Variants in ULK4 observed in about 807,000 individuals in gnomAD.
ULK4 encodes the protein inactive serine/threonine-protein kinase ULK4.
Under a neutral mutation model 160.6 loss-of-function variants are expected in ULK4, and 133 were observed. That is an observed-to-expected ratio of 0.83 (90% CI 0.72 to 0.96). The LOEUF (loss-of-function observed/expected upper bound fraction) is 0.96, where lower values mean the gene tolerates loss of function less well. Among genes scored for constraint, ULK4 ranks in the 40% least tolerant of loss-of-function variants. The pLI is 0.00. For missense variants in ULK4, 1,580 were observed against 1,499.5 expected, an observed-to-expected ratio of 1.05 and a Z score of -0.89; for synonymous variants, 534 against 539.8, an observed-to-expected ratio of 0.99 and a Z score of 0.15.
In ULK4 at chr3:41,607,086, C is replaced by G. The variant is rs2032417956; in HGVS notation, c.3120+8583G>C. Among the ~76,000 whole-genome samples the G allele has an allele frequency of 3.3e-5, 5 of 152,012 alleles. No individual in the cohort carries two copies. The South Asian group carries it at 1.0e-3, about 31-fold the overall frequency. ...TTCTGGTAGTTTTACATTTTGAGGTCTTACATTTAAGTCTTTAATCCATTT... is the reference window on the plus strand; with the variant it reads ...TTCTGGTAGTTTTACATTTTGAGGTGTTACATTTAAGTCTTTAATCCATTT... On this transcript the variant is annotated intron_variant, in intron 31 of 36. Transcript: ENST00000301831.
chr3:41,387,835 C>T (rs1282112568), intron 35 of ULK4, among the ~76,000 whole-genome samples: 10 of 152,110 alleles, frequency 6.6e-5, no homozygotes, highest in Admixed American at 1.3e-4. Flanking sequence ...AGTAAACGTA[C>T]GTGTGCATGT....
chr3:41,647,207 T>G (rs931551289), intron 30 of ULK4, among the ~76,000 whole-genome samples: 9 of 152,382 alleles, frequency 5.9e-5, no homozygotes, highest in Admixed American at 5.9e-4. Flanking sequence ...AAAGTCATTC[T>G]CCATCCAGCT....
chr3:41,330,390 A>G (rs2080419440), intron 35 of ULK4, among the ~76,000 whole-genome samples: 1 of 152,202 alleles, frequency 6.6e-6, no homozygotes, highest in Admixed American at 6.5e-5. Flanking sequence ...CCAATTCCTC[A>G]GGCAATGCTT....
chr3:41,909,690 G>C (rs1374380046), intron 11 of ULK4, among the ~76,000 whole-genome samples: 1 of 151,986 alleles, frequency 6.6e-6, no homozygotes, highest in African/African-American at 2.4e-5. Flanking sequence ...ACTCCAGCCT[G>C]GGCGACAGAG....
rs540249330 is a variant in ULK4, at chr3:41,747,031, A to C, written c.2321+7330T>G. Among the ~76,000 whole-genome samples, 20 of 152,138 alleles carry C rather than the reference A, an allele frequency of 1.3e-4. No homozygotes were observed. The South Asian group carries it at 4.1e-3, about 31-fold the overall frequency. ...TAACTCAAAATGGATCACAAACTTA[A>C]ATGTAAAGCGTATAACCATAAACAA... is the stretch of plus-strand genomic sequence containing the variant. On this transcript the variant is annotated intron_variant, in intron 22 of 36. Coordinates refer to ENST00000301831, the MANE Select transcript of ULK4 (RefSeq NM_017886.4).
intron 32 of ULK4, among the ~76,000 whole-genome samples, chr3:41,470,708 A>C (rs1454276984): frequency 6.6e-6 from 1 of 152,198 alleles, no homozygotes; most frequent in South Asian, 2.1e-4. Context: ...TCTGATATCA[A>C]AAACATAAAA....
At chr3:41,638,308 C>A (rs1575510528) in intron 30 of ULK4, among the ~76,000 whole-genome samples, 1 of 152,052 alleles carries the variant, frequency 6.6e-6, no homozygotes, top group Non-Finnish European at 1.5e-5. Context: ...TCCCTTTGGG[C>A]CTACTCTCTG....
At chr3:41,332,219 C>A (rs1364767214) in intron 35 of ULK4, among the ~76,000 whole-genome samples, 15 of 147,246 alleles carry the variant, frequency 1.0e-4, no homozygotes, top group Admixed American at 6.8e-4. Flanking sequence ...AAAAAAAAAA[C>A]AAAAAACAAA....
chr3:41,955,922 G>A (rs563844779), intron 1 of ULK4, among the ~76,000 whole-genome samples: 1 of 152,158 alleles, frequency 6.6e-6, no homozygotes. Context: ...CTGGTACAAG[G>A]GAAAACAACA....
At chr3:41,889,402 GA>G (rs1333232534) in intron 16 of ULK4, among the ~76,000 whole-genome samples, 4 of 151,998 alleles carry the variant, frequency 2.6e-5, no homozygotes, top group African/African-American at 9.7e-5. Flanking sequence ...AAATTAACTG[GA>G]AATCCTAAAT....
chr3:41,538,047 C>G (rs368812991), intron 32 of ULK4, among the ~76,000 whole-genome samples: 134 of 152,168 alleles, frequency 8.8e-4, no homozygotes, highest in African/African-American at 3.2e-3. Context: ...TCTTGGTCAG[C>G]AGTTCCTTCT....
chr3:41,281,327 A>C (rs1283741629), intron 35 of ULK4, among the ~76,000 whole-genome samples: 2 of 152,194 alleles, frequency 1.3e-5, no homozygotes, highest in Non-Finnish European at 2.9e-5. Context: ...CCTGATACCA[A>C]AGCCTTGCAG....
At chr3:41,716,164 G>T (rs985609914) in intron 23 of ULK4, among the ~76,000 whole-genome samples, 17 of 150,520 alleles carry the variant, frequency 1.1e-4, no homozygotes, top group African/African-American at 4.1e-4. Flanking sequence ...AGTGAGCTGA[G>T]ATAGTGCCAC....
intron 21 of ULK4, among the ~76,000 whole-genome samples, chr3:41,789,151 G>A (rs543674987): frequency 1.1e-4 from 16 of 152,210 alleles, no homozygotes; most frequent in African/African-American, 2.9e-4. Flanking sequence ...TCTGTGATAC[G>A]AATTTAGTAC....
chr3:41,348,675 A>T (rs1233650252), intron 35 of ULK4, among the ~76,000 whole-genome samples: 1 of 152,238 alleles, frequency 6.6e-6, no homozygotes, highest in Admixed American at 6.5e-5. Flanking sequence ...TTCTTTGAGT[A>T]CGATTAGTTT....
intron 25 of ULK4, among the ~76,000 whole-genome samples, chr3:41,710,209 T>C (rs187768024): frequency 6.6e-6 from 1 of 152,324 alleles, no homozygotes; most frequent in East Asian, 1.9e-4. Context: ...ACTTCCCCTA[T>C]TTAATTTTTT....
intron 29 of ULK4, among the ~76,000 whole-genome samples, chr3:41,666,120 A>C (rs913985132): frequency 1.3e-5 from 2 of 152,164 alleles, no homozygotes; most frequent in Non-Finnish European, 2.9e-5. Flanking sequence ...CAACCAGAGA[A>C]GCTCACCTGA....
At chr3:41,901,558 G>A (rs972584020) in intron 12 of ULK4, among the ~76,000 whole-genome samples, 7 of 139,674 alleles carry the variant, frequency 5.0e-5, no homozygotes, top group African/African-American at 1.4e-4. Context: ...TCAGCTCACC[G>A]CAACCTCTGC....
At chr3:41,727,874 G>C (rs1236903857) in intron 22 of ULK4, among the ~76,000 whole-genome samples, 1 of 152,194 alleles carries the variant, frequency 6.6e-6, no homozygotes, top group East Asian at 1.9e-4. Context: ...TGAAGAAATG[G>C]TGTTAATTGA....
Sources: allele counts gnomAD v4.1 joint callset (sites outside exome capture counted in the v4.1 genomes callset), GRCh38; gene constraint gnomAD v4.1.1; transcripts MANE v1.5; gene names NCBI Gene and HGNC (gene_info 2026-07-23, HGNC 2026-07-21).